LRRC7: variants seen among roughly 807,000 people sequenced by gnomAD.
LRRC7 encodes the protein leucine-rich repeat-containing protein 7.
LRRC7 carries 23 observed loss-of-function variants against 175.7 expected under a neutral mutation model. The observed-to-expected ratio is 0.13, with a 90% CI of 0.09 to 0.19. LRRC7 has a LOEUF of 0.19. LRRC7 is among the 10% of genes least tolerant of loss of function. The probability of loss-of-function intolerance (pLI) is 1.00; values close to 1 mark genes in which losing one functional copy is unlikely to be tolerated. For missense variants in LRRC7, 1,354 were observed against 1,904.7 expected (o/e 0.71, Z 5.38); for synonymous variants, 685 against 680.9 (o/e 1.01, Z -0.09).
intron 1 of LRRC7, among the ~76,000 whole-genome samples, chr1:69,579,531 T>A (rs1209639085): frequency 6.6e-6 from 1 of 152,170 alleles, no homozygotes; most frequent in Non-Finnish European, 1.5e-5. Context: ...CCAGTACATA[T>A]GTGGAGACTC....
chr1:69,891,406 C>T (rs1645828778), intron 7 of LRRC7, among the ~76,000 whole-genome samples: 1 of 152,136 alleles, frequency 6.6e-6, no homozygotes, highest in South Asian at 2.1e-4. Flanking sequence ...CATGGCTCCC[C>T]AAAACAATTA....
rs147235988 is a variant in LRRC7 at position 69,699,120 on chromosome 1, G to A, written c.100+20642G>A. On this transcript the variant is annotated intron_variant, in intron 2 of 26. Transcript: ENST00000651989. ...CCATTGTGGAAGACAGTGTGGCGAT[G>A]CCCCTTGAGATTTGAAAAAGGAGCT... 1.9e-3 allele frequency among the ~76,000 whole-genome samples: 289 copies of A among 152,250 alleles called. 1 individual carries two copies. Among genetic ancestry groups the A allele is most frequent in the African/African-American group, 6.7e-3 (278 of 41,540 alleles).
rs558019583 is a variant in LRRC7 at position 70,024,598 on chromosome 1, G to T, written c.1794+1224G>T. 7.9e-5 allele frequency among the ~76,000 whole-genome samples: 12 copies of T among 151,974 alleles called. No homozygotes were observed. In the East Asian group the frequency reaches 2.1e-3, roughly 27 times the overall value. On this transcript the variant is annotated intron_variant, in intron 17 of 26. Transcript: ENST00000651989. ...TGAGTGATCAACACAACACAGTTTT[G>T]CAAGAATATAATTGATTTTCCTACC...
chr1:69,893,775 T>A (rs555962491), intron 7 of LRRC7, among the ~76,000 whole-genome samples: 40 of 152,102 alleles, frequency 2.6e-4, no homozygotes, highest in Non-Finnish European at 4.9e-4. Context: ...AGAGATTTTT[T>A]AATTTAATTT....
chr1:69,649,968 A>T (rs1168366176), intron 1 of LRRC7, among the ~76,000 whole-genome samples: 2 of 152,168 alleles, frequency 1.3e-5, no homozygotes, highest in Admixed American at 1.3e-4. Context: ...TTTATGGATG[A>T]TGACAGGCAA....
chr1:69,634,811 GC>G (rs1264624370), intron 1 of LRRC7, among the ~76,000 whole-genome samples: 1 of 152,080 alleles, frequency 6.6e-6, no homozygotes, highest in African/African-American at 2.4e-5. Flanking sequence ...ATTACAGAAA[GC>G]CAGTGATCCT....
At chr1:69,898,180 A>G (rs568457374) in intron 7 of LRRC7, among the ~76,000 whole-genome samples, 1 of 152,332 alleles carries the variant, frequency 6.6e-6, no homozygotes, top group South Asian at 2.1e-4. Flanking sequence ...GGGAATATCA[A>G]CTACATAGAC....
chr1:70,107,166 A>G (rs1275900568), intron 25 of LRRC7, among the ~76,000 whole-genome samples: 1 of 152,246 alleles, frequency 6.6e-6, no homozygotes, highest in Non-Finnish European at 1.5e-5. Context: ...TAGGGATTTT[A>G]TAACCACATA....
chr1:69,747,799 A>G (rs1325028460), intron 2 of LRRC7, among the ~76,000 whole-genome samples: 9 of 145,864 alleles, frequency 6.2e-5, no homozygotes, highest in Non-Finnish European at 1.5e-5. Context: ...ACTAACAGTA[A>G]AAAAAAAATT....
At chr1:69,756,908 G>T (rs944911973) in intron 2 of LRRC7, among the ~76,000 whole-genome samples, 11 of 151,932 alleles carry the variant, frequency 7.2e-5, no homozygotes. Flanking sequence ...TTCCTAAAAG[G>T]TTACTCCAGA....
chr1:69,803,158 A>G (rs931488412), intron 4 of LRRC7, among the ~76,000 whole-genome samples: 2 of 151,380 alleles, frequency 1.3e-5, no homozygotes, highest in Non-Finnish European at 3.0e-5. Flanking sequence ...TCTAATCACT[A>G]TAATCTAATA....
At chr1:69,600,822 T>C (rs1284784193) in intron 1 of LRRC7, among the ~76,000 whole-genome samples, 1 of 140,670 alleles carries the variant, frequency 7.1e-6, no homozygotes, top group Non-Finnish European at 1.5e-5. Flanking sequence ...TTTTTTTTTT[T>C]TTTTTTGAGA....
At chr1:69,611,354 G>C (rs971466725) in intron 1 of LRRC7, among the ~76,000 whole-genome samples, 5 of 151,800 alleles carry the variant, frequency 3.3e-5, no homozygotes, top group Non-Finnish European at 1.5e-5. Context: ...AGATAGTATA[G>C]GTCAGTACAA....
At chr1:70,000,646 C>T (rs1013936353) in intron 11 of LRRC7, among the ~76,000 whole-genome samples, 1 of 152,186 alleles carries the variant, frequency 6.6e-6, no homozygotes, top group Non-Finnish European at 1.5e-5. Context: ...TCAGGGCTTT[C>T]TTATTTGTTG....
chr1:69,787,984 C>T (rs1004109840), intron 3 of LRRC7, among the ~76,000 whole-genome samples: 1 of 151,822 alleles, frequency 6.6e-6, no homozygotes, highest in Non-Finnish European at 1.5e-5. Context: ...TTCCTTCTTT[C>T]CTCCTTCCTT....
At chr1:69,807,091 A>G (rs980997547) in intron 4 of LRRC7, among the ~76,000 whole-genome samples, 4 of 152,018 alleles carry the variant, frequency 2.6e-5, no homozygotes, top group South Asian at 2.1e-4. Context: ...GGTTTAAAGT[A>G]TGTTTTATCA....
intron 11 of LRRC7, among the ~76,000 whole-genome samples, chr1:69,995,796 T>C (rs534956634): frequency 3.2e-3 from 488 of 152,078 alleles, no homozygotes; most frequent in African/African-American, 0.01. Context: ...CTTAATCCAG[T>C]CTATCATTGT....
intron 2 of LRRC7, among the ~76,000 whole-genome samples, chr1:69,752,663 C>T (rs767584999): frequency 1.3e-5 from 2 of 152,066 alleles, no homozygotes; most frequent in South Asian, 2.1e-4. Flanking sequence ...TGTTCAAATG[C>T]GTTTGACTCT....
rs144258673 is a variant in LRRC7, at chr1:69,861,734, G to A, written c.647+23451G>A. On this transcript the variant is annotated intron_variant, in intron 7 of 26. Coordinates refer to ENST00000651989, the MANE Select transcript of LRRC7 (RefSeq NM_001370785.2). The stretch of plus-strand genomic sequence containing the variant: ...ATACAGGTGTCCAACTAGAATAGCC[G>A]TGACAGAAAAGGCTAATGGAGAATC... Among the ~76,000 whole-genome samples the A allele has an allele frequency of 1.0e-3, 157 of 152,292 alleles. 1 individual carries two copies. Among genetic ancestry groups the A allele is most frequent in the South Asian group, 8.3e-4 (4 of 4,820 alleles).
Sources: gnomAD v4.1 joint callset for allele counts (sites outside exome capture counted in the v4.1 genomes callset) on GRCh38, gnomAD v4.1.1 for gene constraint, MANE v1.5 for transcripts, NCBI Gene and HGNC (gene_info 2026-07-23, HGNC 2026-07-21) for gene names.